NFATC2: variants seen among roughly 807,000 people sequenced by gnomAD.
NFATC2 encodes nuclear factor of activated T-cells, cytoplasmic 2.
Under a neutral mutation model 87.3 loss-of-function variants are expected in NFATC2, and 22 were observed. The observed-to-expected ratio is 0.25, with a 90% CI of 0.18 to 0.36. NFATC2 has a LOEUF of 0.36. Among genes scored for constraint, NFATC2 ranks in the 10% least tolerant of loss-of-function variants. The pLI, the probability that NFATC2 is intolerant of heterozygous loss-of-function variation, is 1.00. For synonymous variants in NFATC2, 565 were observed against 542.2 expected, an observed-to-expected ratio of 1.04 and a Z score of -0.58; for missense variants, 1,149 against 1,259.1, an observed-to-expected ratio of 0.91 and a Z score of 1.32.
At chr20:51,474,967 A>ATT (rs201111632) in intron 4 of NFATC2, among the ~76,000 whole-genome samples, 35 of 141,492 alleles carry the variant, frequency 2.5e-4, no homozygotes, top group African/African-American at 9.0e-4. Context: ...ATTATACTTT[A>ATT]TTTATTTTTT....
At chr20:51,533,107 T>C (rs1268157579) in intron 1 of NFATC2, among the ~76,000 whole-genome samples, 2 of 152,184 alleles carry the variant, frequency 1.3e-5, no homozygotes, top group Non-Finnish European at 2.9e-5. Context: ...CGCAGATCTG[T>C]AGCCGGAGGA....
rs2076353181 is a variant in NFATC2, at chr20:51,516,466, G to A, written c.1332+318C>T. ...CTCTTCATCTGAAACTTAAGGTGAT[G>A]GTTTCAGAAACCTTCTGTCAACACA... On this transcript the variant is annotated intron_variant, in intron 3 of 10. Coordinates refer to ENST00000371564, the MANE Select transcript of NFATC2 (RefSeq NM_012340.5). Among the ~76,000 whole-genome samples the A allele has an allele frequency of 2.6e-5, 4 of 152,072 alleles. No individual in the cohort carries two copies. In the South Asian group the frequency reaches 8.3e-4, roughly 32 times the overall value.
At chr20:51,397,264 CTAAG>C (rs1224092723) in intron 10 of NFATC2, among the ~76,000 whole-genome samples, 1 of 152,220 alleles carries the variant, frequency 6.6e-6, no homozygotes, top group African/African-American at 2.4e-5. Context: ...TTTACACTTA[CTAAG>C]TAACTTCCCA....
chr20:51,391,750 A>G (rs1184094990), intron 10 of NFATC2, among the ~76,000 whole-genome samples: 1 of 152,168 alleles, frequency 6.6e-6, no homozygotes, highest in Non-Finnish European at 1.5e-5. Context: ...TCCTGAGCTC[A>G]GGCGATCCTC....
At chr20:51,546,942 C>G (rs759292137), upstream of NFATC2, among the ~76,000 whole-genome samples, 1 of 152,146 alleles carries the variant, frequency 6.6e-6, no homozygotes, top group Middle Eastern at 3.4e-3. Flanking sequence ...AAGTATGAAA[C>G]GATGGAGGAC....
Position 51,489,734 on chromosome 20 carries a change from A to C in NFATC2, c.1333-14074T>G, listed in dbSNP as rs567518443. 5.3e-5 allele frequency among the ~76,000 whole-genome samples: 8 copies of C among 152,336 alleles called. No homozygotes were observed. The South Asian group carries it at 1.7e-3, about 32-fold the overall frequency. On this transcript the variant is annotated intron_variant, in intron 3 of 10. Transcript: ENST00000371564. ...CCAGTGCCAAAAGAGAATCTGAAAG[A>C]AACTGCCATGTACAAAGAGTCAGAT... is the stretch of plus-strand genomic sequence containing the variant.
chr20:51,436,434 CATGGTGG>C (rs1983589906), intron 6 of NFATC2, among the ~76,000 whole-genome samples: 1 of 145,878 alleles, frequency 6.9e-6, no homozygotes, highest in Non-Finnish European at 1.5e-5. Flanking sequence ...AAGGGCTGGG[CATGGTGG>C]CTTATGCCTG....
At position 51,524,001 on chromosome 20, in the gene NFATC2, G is replaced by A. The variant is rs745343071; in HGVS notation, c.240C>T (p.Gly80=). Residue 80 remains glycine, a synonymous_variant, in exon 2 of 11, where the codon GGC becomes GGT. Coordinates refer to ENST00000371564, the MANE Select transcript of NFATC2 (RefSeq NM_012340.5). This position sits in a 1 kb window ranked among gnomAD's most constrained non-coding sequence, Gnocchi z 4.0. The stretch of plus-strand genomic sequence containing the variant: ...GCTCTCCGAATCGGCCGGGGGGCTC[G>A]CCAGAGAGACTAGCAAGGGGGCTGT... ...KPYSPLASLS[G]EPPGRFGEPD... 32 of 1,566,858 alleles carry A rather than the reference G, an allele frequency of 2.0e-5. No homozygotes were observed. The highest frequency in any genetic ancestry group is 2.4e-5 in the Non-Finnish European group (28 of 1,162,004).
rs754243540 is a variant in NFATC2, at chr20:51,454,506, A to G, written c.1849+42T>C. 58 of 1,607,866 alleles carry G rather than the reference A, an allele frequency of 3.6e-5. 1 individual carries two copies. In the South Asian group the frequency reaches 5.6e-4, roughly 16 times the overall value. On this transcript the variant is annotated intron_variant, in intron 6 of 10. Coordinates refer to ENST00000371564, the MANE Select transcript of NFATC2 (RefSeq NM_012340.5). ...ATAATAAAGAGATGGTCACTTTTGC[A>G]TGATTCTGGGGGACAGAGAAAGAGC...
At chr20:51,535,702 C>T (rs2076708858) in intron 1 of NFATC2, among the ~76,000 whole-genome samples, 1 of 152,200 alleles carries the variant, frequency 6.6e-6, no homozygotes, top group Non-Finnish European at 1.5e-5. Context: ...AGCCCCTTTC[C>T]ATAACCTTTA....
In NFATC2 at chr20:51,551,470, C is replaced by T. The variant is rs550445887; in HGVS notation, c.70+11090G>A. The stretch of plus-strand genomic sequence containing the variant: ...CCAGGATGGAGTGCAGTGGCGAGAG[C>T]ATGGCTCACTGCAGCTTCAACCTCC... On this transcript the variant is annotated intron_variant, in intron 1 of 10. Transcript: ENST00000414705. Among the ~76,000 whole-genome samples, 14 of 152,164 alleles carry T rather than the reference C, an allele frequency of 9.2e-5. No homozygotes were observed. The South Asian group carries it at 2.7e-3, about 29-fold the overall frequency.
chr20:51,458,914 G>A lies in NFATC2; in HGVS notation c.1709-4226C>T, dbSNP rs375596431. The stretch of plus-strand genomic sequence containing the variant: ...ATACAGGGCCCTGGGAGCTGCAAGA[G>A]AATACATCATTAACTGCTGCTTGGG... On this transcript the variant is annotated intron_variant, in intron 5 of 10. Transcript: ENST00000371564. Among the ~76,000 whole-genome samples the A allele has an allele frequency of 9.8e-5, 15 of 152,336 alleles. No individual in the cohort carries two copies. The East Asian group carries it at 2.9e-3, about 29-fold the overall frequency.
chr20:51,435,698 G>T lies in NFATC2; in HGVS notation c.1905+8C>A, dbSNP rs765116259. On this transcript the variant is annotated splice_region_variant and intron_variant, in intron 7 of 10. Coordinates refer to ENST00000371564, the MANE Select transcript of NFATC2 (RefSeq NM_012340.5). The stretch of plus-strand genomic sequence containing the variant: ...ATTGAGAGACACTCAGGTGCGTCAC[G>T]TGCTTACGGGCTGGCTCTTGTCCTT... 1 of 1,608,486 alleles carries T rather than the reference G, an allele frequency of 6.2e-7. No individual in the cohort carries two copies. The highest frequency in any genetic ancestry group is 1.1e-5 in the South Asian group (1 of 89,494).
chr20:51,423,059 G>T (rs986107629), intron 9 of NFATC2, among the ~76,000 whole-genome samples: 4 of 151,872 alleles, frequency 2.6e-5, no homozygotes, highest in Admixed American at 1.3e-4. Context: ...AGGCTGAGGC[G>T]AGAGGATCAC....
At chr20:51,522,714 A>G (rs190099227) in intron 2 of NFATC2, among the ~76,000 whole-genome samples, 1 of 152,290 alleles carries the variant, frequency 6.6e-6, no homozygotes, top group Admixed American at 6.5e-5. Context: ...TGAAAGCAGA[A>G]ATTTTTGCCT....
chr20:51,486,967 G>C (rs1454546332), intron 3 of NFATC2, among the ~76,000 whole-genome samples: 1 of 152,178 alleles, frequency 6.6e-6, no homozygotes, highest in Non-Finnish European at 1.5e-5. Context: ...AGATTGAATT[G>C]AAAGCACAGC....
At chr20:51,487,703 A>T (rs1989833549) in intron 3 of NFATC2, among the ~76,000 whole-genome samples, 1 of 152,156 alleles carries the variant, frequency 6.6e-6, no homozygotes, top group Non-Finnish European at 1.5e-5. Context: ...TGGCATAAAA[A>T]AGGTGAGTTA....
At chr20:51,516,629 C>A (rs1235113525) in intron 3 of NFATC2, among the ~76,000 whole-genome samples, 155 bp downstream of exon 3, 3 of 152,232 alleles carry the variant, frequency 2.0e-5, no homozygotes, top group African/African-American at 7.2e-5. Flanking sequence ...GGATTAGCTT[C>A]TAATGCTAAT....
intron 2 of NFATC2, among the ~76,000 whole-genome samples, chr20:51,518,535 CCT>C (rs1468739707): frequency 6.6e-6 from 1 of 151,798 alleles, no homozygotes; most frequent in African/African-American, 2.4e-5. Context: ...TCCTGAAATC[CCT>C]CTTACCCTGC....
Sources: allele counts gnomAD v4.1 joint callset (sites outside exome capture counted in the v4.1 genomes callset), GRCh38; gene constraint gnomAD v4.1.1; non-coding constraint Gnocchi (gnomAD v3.1); transcripts MANE v1.5; gene names NCBI Gene and HGNC (gene_info 2026-07-23, HGNC 2026-07-21).